GULP1: variants seen among roughly 807,000 people sequenced by gnomAD.
The protein encoded by GULP1 is PTB domain-containing engulfment adapter protein 1.
In GULP1, 19 loss-of-function variants were observed where a neutral mutation model predicts 40.9. That is an observed-to-expected ratio of 0.46 (90% confidence interval 0.32 to 0.68). GULP1 has a LOEUF of 0.68. Ranked by LOEUF, GULP1 falls within the 30% of genes least tolerant of loss-of-function variation. GULP1 has a pLI of 0.03. For missense variants in GULP1, 312 were observed against 362.2 expected, an observed-to-expected ratio of 0.86 and a Z score of 1.12; for synonymous variants, 119 against 117.6, an observed-to-expected ratio of 1.01 and a Z score of -0.08.
chr2:188,448,496 A>T (rs180923772), intron 2 of GULP1, among the ~76,000 whole-genome samples: 92 of 152,338 alleles, frequency 6.0e-4, no homozygotes, highest in African/African-American at 2.1e-3. Context: ...TAGCACTAAA[A>T]TTTCCTGAAC....
chr2:188,487,676 G>T lies in GULP1; in HGVS notation c.90+4184G>T, dbSNP rs562776609. 7.8e-4 allele frequency among the ~76,000 whole-genome samples: 119 copies of T among 152,018 alleles called. 1 individual carries two copies. Among genetic ancestry groups the T allele is most frequent in the Middle Eastern group, 6.8e-3 (2 of 294 alleles). ...CAAACCCTTTCAAAACCATGTCAGG[G>T]AGTTTTACAAGTGAGAAAACTACAT... On this transcript the variant is annotated intron_variant, in intron 4 of 11. Transcript: ENST00000409830.
intron 2 of GULP1, among the ~76,000 whole-genome samples, chr2:188,411,540 C>T (rs2053884130): frequency 6.6e-6 from 1 of 152,130 alleles, no homozygotes; most frequent in African/African-American, 2.4e-5. Context: ...AAGGGTCATC[C>T]TACCCAGTTG....
At chr2:188,369,725 G>C (rs191768073) in intron 1 of GULP1, among the ~76,000 whole-genome samples, 1 of 152,100 alleles carries the variant, frequency 6.6e-6, no homozygotes, top group Non-Finnish European at 1.5e-5. Flanking sequence ...TATAACATCT[G>C]TAAAGTATCT....
At chr2:188,482,826 C>A (rs1274265482) in intron 3 of GULP1, among the ~76,000 whole-genome samples, 2 of 151,488 alleles carry the variant, frequency 1.3e-5, no homozygotes, top group Non-Finnish European at 3.0e-5. Context: ...CTATTTATAT[C>A]CAAAACTCCT....
intron 1 of GULP1, among the ~76,000 whole-genome samples, chr2:188,316,625 G>C (rs1337985177): frequency 2.6e-5 from 4 of 152,050 alleles, no homozygotes; most frequent in Non-Finnish European, 5.9e-5. Flanking sequence ...TTTTTCCTCA[G>C]AAGTCATCTT....
At chr2:188,428,186 C>T (rs919500804) in intron 2 of GULP1, among the ~76,000 whole-genome samples, 1 of 152,124 alleles carries the variant, frequency 6.6e-6, no homozygotes, top group East Asian at 1.9e-4. Flanking sequence ...TGCCTGTATC[C>T]CCATTATATC....
intron 7 of GULP1, among the ~76,000 whole-genome samples, chr2:188,543,979 C>T (rs1022223377): frequency 3.9e-5 from 6 of 152,056 alleles, no homozygotes; most frequent in Admixed American, 3.9e-4. Flanking sequence ...CCTCCTTCTT[C>T]CATGGTGACA....
chr2:188,561,006 T>C (rs1696112947), intron 7 of GULP1, among the ~76,000 whole-genome samples: 1 of 152,238 alleles, frequency 6.6e-6, no homozygotes, highest in African/African-American at 2.4e-5. Context: ...TATGAGATTT[T>C]ATGGGGACAC....
At chr2:188,412,949 T>A (rs1036996334) in intron 2 of GULP1, among the ~76,000 whole-genome samples, 1 of 152,164 alleles carries the variant, frequency 6.6e-6, no homozygotes, top group Non-Finnish European at 1.5e-5. Context: ...AAATTTTTTT[T>A]AAAATCTTAA....
At chr2:188,301,272 C>T (rs1449167866) in intron 1 of GULP1, among the ~76,000 whole-genome samples, 1 of 152,160 alleles carries the variant, frequency 6.6e-6, no homozygotes, top group East Asian at 1.9e-4. Context: ...AATTCTCTGG[C>T]TTTGACCTGC....
intron 1 of GULP1, among the ~76,000 whole-genome samples, chr2:188,303,362 G>T (rs1185544791): frequency 6.6e-6 from 1 of 152,160 alleles, no homozygotes; most frequent in Non-Finnish European, 1.5e-5. Context: ...AGTTTAAGCA[G>T]GAGGTGGAGG....
intron 4 of GULP1, among the ~76,000 whole-genome samples, chr2:188,506,016 T>G (rs2063874558): frequency 6.6e-6 from 1 of 151,872 alleles, no homozygotes; most frequent in African/African-American, 2.4e-5. Flanking sequence ...TAGTACTGTA[T>G]CAAAATTTAC....
At chr2:188,374,611 G>T (rs539891133) in intron 1 of GULP1, among the ~76,000 whole-genome samples, 35 of 152,066 alleles carry the variant, frequency 2.3e-4, no homozygotes, top group Non-Finnish European at 4.7e-4. Flanking sequence ...TTTAAAAAGG[G>T]TGCTGATTGT....
chr2:188,487,577 A>G (rs1209957255), intron 4 of GULP1, among the ~76,000 whole-genome samples: 1 of 151,928 alleles, frequency 6.6e-6, no homozygotes, highest in Non-Finnish European at 1.5e-5. Flanking sequence ...CATAATGATA[A>G]CCAACATCAT....
intron 4 of GULP1, among the ~76,000 whole-genome samples, chr2:188,517,120 T>A (rs1012177699): frequency 6.6e-6 from 1 of 151,836 alleles, no homozygotes. Flanking sequence ...AAAACATTAT[T>A]TTTTTTTAAT....
chr2:188,490,260 A>T (rs1392951055), intron 4 of GULP1, among the ~76,000 whole-genome samples: 1 of 152,132 alleles, frequency 6.6e-6, no homozygotes, highest in East Asian at 1.9e-4. Flanking sequence ...ACACAGGAAG[A>T]TAGTAGCAAA....
chr2:188,383,515 T>C (rs1460657616), intron 1 of GULP1, among the ~76,000 whole-genome samples: 10 of 152,216 alleles, frequency 6.6e-5, no homozygotes, highest in Non-Finnish European at 8.8e-5. Flanking sequence ...AATAGTAACA[T>C]ATCTGTGAGT....
chr2:188,577,597 C>G (rs1700406843), intron 9 of GULP1, among the ~76,000 whole-genome samples: 1 of 151,896 alleles, frequency 6.6e-6, no homozygotes, highest in Non-Finnish European at 1.5e-5. Context: ...TCATAAGTAC[C>G]TGGTCAAGTC....
chr2:188,470,371 C>G (rs183893182), intron 2 of GULP1, among the ~76,000 whole-genome samples: 33 of 152,228 alleles, frequency 2.2e-4, no homozygotes, highest in Admixed American at 2.6e-4. Flanking sequence ...CACTAATGAT[C>G]CTTTGAATGT....
Sources: gnomAD v4.1 joint callset for allele counts (sites outside exome capture counted in the v4.1 genomes callset) on GRCh38, gnomAD v4.1.1 for gene constraint, MANE v1.5 for transcripts, NCBI Gene and HGNC (gene_info 2026-07-23, HGNC 2026-07-21) for gene names.